Variants in CTNNA3 observed in about 807,000 individuals in gnomAD.
CTNNA3 encodes catenin alpha 3.
In CTNNA3, 76 loss-of-function variants were observed where a neutral mutation model predicts 95.7. That is an observed-to-expected ratio of 0.79 (90% CI 0.66 to 0.96). CTNNA3 has a LOEUF of 0.96. CTNNA3 is among the 40% of genes least tolerant of loss of function. The pLI is 0.00. For missense variants in CTNNA3, 1,191 were observed against 1,089.8 expected, an observed-to-expected ratio of 1.09 and a Z score of -1.31; for synonymous variants, 431 against 374.4, an observed-to-expected ratio of 1.15 and a Z score of -1.74.
intron 5 of CTNNA3, among the ~76,000 whole-genome samples, chr10:67,414,416 A>G (rs1463031672): frequency 1.3e-5 from 2 of 152,120 alleles, no homozygotes; most frequent in African/African-American, 4.8e-5. Context: ...ACCAATTTTA[A>G]CTTCTGAAAT....
At chr10:66,111,758 G>A (rs1293505924) in intron 13 of CTNNA3, among the ~76,000 whole-genome samples, 1 of 152,090 alleles carries the variant, frequency 6.6e-6, no homozygotes, top group Non-Finnish European at 1.5e-5. Flanking sequence ...GGAAAAACTG[G>A]GAAGATATTT....
intron 7 of CTNNA3, among the ~76,000 whole-genome samples, chr10:67,095,023 G>A (rs865816779): frequency 5.4e-4 from 80 of 148,146 alleles, no homozygotes; most frequent in Middle Eastern, 7.0e-3. Context: ...ACATATATGT[G>A]TATATACATA....
intron 7 of CTNNA3, among the ~76,000 whole-genome samples, chr10:66,993,123 A>G (rs1431654782): frequency 1.3e-5 from 2 of 152,178 alleles, no homozygotes; most frequent in African/African-American, 4.8e-5. Flanking sequence ...CCTCATTCGC[A>G]TGGTTGACTA....
chr10:67,574,409 C>T (rs28392936), intron 3 of CTNNA3, among the ~76,000 whole-genome samples: 19,853 of 151,826 alleles, frequency 0.13, 1,556 homozygotes, highest in East Asian at 0.3. Flanking sequence ...TTATTATTAT[C>T]CCTCTGTTTT....
intron 11 of CTNNA3, among the ~76,000 whole-genome samples, chr10:66,431,002 C>T (rs2093290137): frequency 6.6e-6 from 1 of 151,806 alleles, no homozygotes; most frequent in East Asian, 1.9e-4. Context: ...GCAAACTACT[C>T]ATCTGACAAA....
intron 2 of CTNNA3, among the ~76,000 whole-genome samples, chr10:67,613,588 A>G (rs150386983): frequency 6.6e-6 from 1 of 152,242 alleles, no homozygotes; most frequent in Admixed American, 6.5e-5. Flanking sequence ...GATCAGTTCA[A>G]TGTAATCTAG....
chr10:67,279,247 A>G (rs1038808395), intron 5 of CTNNA3, among the ~76,000 whole-genome samples: 4 of 152,216 alleles, frequency 2.6e-5, no homozygotes, highest in Admixed American at 1.3e-4. Context: ...GTCTATTAGT[A>G]TACATACATT....
At chr10:65,948,280 C>CAAAAA (rs56966630) in intron 17 of CTNNA3, among the ~76,000 whole-genome samples, 28 of 97,548 alleles carry the variant, frequency 2.9e-4, no homozygotes, top group Non-Finnish European at 4.3e-4. Context: ...GACTCCATCT[C>CAAAAA]AAAAAAAAAA....
chr10:66,588,136 C>T (rs888862146), intron 10 of CTNNA3, among the ~76,000 whole-genome samples: 2 of 151,942 alleles, frequency 1.3e-5, no homozygotes, highest in East Asian at 3.9e-4. Context: ...CTTCTTCTCA[C>T]CCCATCACTC....
chr10:66,841,165 G>A (rs1326928236), intron 7 of CTNNA3, among the ~76,000 whole-genome samples: 1 of 152,132 alleles, frequency 6.6e-6, no homozygotes, highest in Admixed American at 6.6e-5. Flanking sequence ...AATGAAAAAG[G>A]TTGAGGGCAC....
intron 13 of CTNNA3, among the ~76,000 whole-genome samples, chr10:66,218,907 A>T (rs190090963): frequency 4.6e-5 from 7 of 152,294 alleles, no homozygotes; most frequent in Admixed American, 4.6e-4. Flanking sequence ...CCTAATCAAG[A>T]AACTTCCAAA....
chr10:66,364,713 T>C (rs2132441981), intron 12 of CTNNA3, among the ~76,000 whole-genome samples: 1 of 152,268 alleles, frequency 6.6e-6, no homozygotes, highest in Non-Finnish European at 1.5e-5. Context: ...TTCTAGCACT[T>C]ACAGATATGG....
chr10:66,387,811 T>C (rs1395722173), intron 11 of CTNNA3, among the ~76,000 whole-genome samples: 1 of 152,112 alleles, frequency 6.6e-6, no homozygotes, highest in African/African-American at 2.4e-5. Context: ...TGGATGAAGC[T>C]GGAAACCATC....
At chr10:67,723,941 AC>A (rs1001721074) in intron 1 of CTNNA3, among the ~76,000 whole-genome samples, 4 of 152,162 alleles carry the variant, frequency 2.6e-5, no homozygotes, top group Admixed American at 1.3e-4. Flanking sequence ...AGATTAACCC[AC>A]AACCAATGGG....
intron 10 of CTNNA3, among the ~76,000 whole-genome samples, chr10:66,543,907 G>GTATATA (rs1554815314): frequency 4.8e-4 from 14 of 28,936 alleles, no homozygotes; most frequent in African/African-American, 1.9e-3. Flanking sequence ...AGATGTGTGT[G>GTATATA]TGTGTATATA....
chr10:67,273,558 C>A (rs1384412040), intron 5 of CTNNA3, among the ~76,000 whole-genome samples: 1 of 151,654 alleles, frequency 6.6e-6, no homozygotes, highest in African/African-American at 2.4e-5. Flanking sequence ...TATCCTATGA[C>A]CAAATAATTT....
At chr10:66,409,250 A>C (rs1474738845) in intron 11 of CTNNA3, among the ~76,000 whole-genome samples, 1 of 152,138 alleles carries the variant, frequency 6.6e-6, no homozygotes, top group Admixed American at 6.6e-5. Context: ...GAGCAATGAG[A>C]AGTGGTCAAA....
intron 12 of CTNNA3, among the ~76,000 whole-genome samples, chr10:66,369,991 T>TGGGTG (rs2092741900): frequency 6.6e-6 from 1 of 152,066 alleles, no homozygotes; most frequent in South Asian, 2.1e-4. Context: ...GGGGATGAAA[T>TGGGTG]GGCTAAAGCT....
At chr10:67,342,019 T>TGATAGTA (rs1554824795) in intron 5 of CTNNA3, among the ~76,000 whole-genome samples, 1 of 150,132 alleles carries the variant, frequency 6.7e-6, no homozygotes, top group African/African-American at 2.4e-5. Flanking sequence ...CCATCTATTC[T>TGATAGTA]ACATAGCTAT....
Sources: allele counts gnomAD v4.1 joint callset (sites outside exome capture counted in the v4.1 genomes callset), GRCh38; gene constraint gnomAD v4.1.1; transcripts MANE v1.5; gene names NCBI Gene and HGNC (gene_info 2026-07-23, HGNC 2026-07-21).